Variants in FBXL5 observed in about 807,000 individuals in gnomAD.
FBXL5 encodes F-box and leucine rich repeat protein 5.
FBXL5 carries 26 observed loss-of-function variants against 78.3 expected under a neutral mutation model. The ratio of observed to expected loss-of-function variants is 0.33; its 90% CI spans 0.24 to 0.46. FBXL5 has a LOEUF of 0.46. Ranked by LOEUF, FBXL5 falls within the 20% of genes least tolerant of loss-of-function variation. The probability of loss-of-function intolerance (pLI) is 1.00; values close to 1 mark genes in which losing one functional copy is unlikely to be tolerated. For missense variants in FBXL5, 710 were observed against 829.2 expected (o/e 0.86, Z 1.77); for synonymous variants, 295 against 282.5 (o/e 1.04, Z -0.45).
intron 9 of FBXL5, among the ~76,000 whole-genome samples, chr4:15,619,819 C>A (rs1006727110): frequency 2.6e-5 from 4 of 152,116 alleles, no homozygotes; most frequent in South Asian, 2.1e-4. Flanking sequence ...CAGTTCCCCC[C>A]ACCCTCCCAA....
intron 2 of FBXL5, among the ~76,000 whole-genome samples, chr4:15,642,240 A>G (rs1461039707): frequency 6.9e-6 from 1 of 144,176 alleles, no homozygotes; most frequent in Non-Finnish European, 1.5e-5. Flanking sequence ...AAAATAATGA[A>G]AACTTTTTTT....
At chr4:15,614,333 G>A (rs974038463) in intron 9 of FBXL5, among the ~76,000 whole-genome samples, 32 of 152,216 alleles carry the variant, frequency 2.1e-4, no homozygotes, top group African/African-American at 7.0e-4. Flanking sequence ...TGCTCCAGTG[G>A]AGATAGGAGG....
chr4:15,660,376 C>G (rs1021613716), upstream of FBXL5, among the ~76,000 whole-genome samples: 4 of 152,096 alleles, frequency 2.6e-5, no homozygotes, highest in African/African-American at 9.7e-5. Flanking sequence ...GCCGCCGCAC[C>G]CAGCCCCGAC....
upstream of FBXL5, among the ~76,000 whole-genome samples, chr4:15,658,514 G>A (rs1324959049): frequency 6.6e-6 from 1 of 152,146 alleles, no homozygotes; most frequent in Non-Finnish European, 1.5e-5. Context: ...GGTTATCATA[G>A]GAGTGGGACT....
At chr4:15,666,450 AAAAT>A (rs1382821086) in intron 1 of FBXL5, among the ~76,000 whole-genome samples, 1 of 152,110 alleles carries the variant, frequency 6.6e-6, no homozygotes, top group East Asian at 1.9e-4. Flanking sequence ...TGTGGAATCT[AAAAT>A]AAAGTTAAAC....
chr4:15,655,173 G>T (rs1229873154), intron 1 of FBXL5, 31 bp downstream of exon 1: 16 of 1,362,848 alleles, frequency 1.2e-5, no homozygotes, highest in Non-Finnish European at 1.5e-5. Flanking sequence ...CGCCCGCACC[G>T]CCCACAGCGG....
intron 10 of FBXL5, among the ~76,000 whole-genome samples, chr4:15,606,575 CTGAA>C (rs372399749): frequency 4.2e-4 from 64 of 152,210 alleles, no homozygotes; most frequent in African/African-American, 1.5e-3. Flanking sequence ...GTCAAGTACT[CTGAA>C]TGAATGATAT....
intron 5 of FBXL5, among the ~76,000 whole-genome samples, chr4:15,631,109 A>G (rs10015827): frequency 0.35 from 53,126 of 151,188 alleles, 9,705 homozygotes; most frequent in African/African-American, 0.37. Context: ...GACGTTCCCC[A>G]CCCTGTGTCC....
chr4:15,655,802 C>T (rs1272074092), upstream of FBXL5, among the ~76,000 whole-genome samples: 2 of 152,200 alleles, frequency 1.3e-5, no homozygotes, highest in Non-Finnish European at 2.9e-5. Context: ...CGGAGCTGCC[C>T]TTCGCCTCCC....
At chr4:15,632,242 C>A (rs376359411) in intron 5 of FBXL5, among the ~76,000 whole-genome samples, 1 of 152,148 alleles carries the variant, frequency 6.6e-6, no homozygotes, top group East Asian at 1.9e-4. Flanking sequence ...GGTGTCATTT[C>A]TGAGGCCTCT....
chr4:15,627,017 T>C, intron 7 of FBXL5, 62 bp from the exon 8 acceptor site: 2 of 1,002,966 alleles, frequency 2.0e-6, no homozygotes, highest in South Asian at 1.5e-5. Context: ...AAGTAACAGA[T>C]GACTATTAGT....
At chr4:15,677,748 T>TC (rs1718048109) in intron 1 of FBXL5, among the ~76,000 whole-genome samples, 1 of 151,932 alleles carries the variant, frequency 6.6e-6, no homozygotes, top group African/African-American at 2.4e-5. Context: ...TACACAAAAA[T>TC]TGTAGTAGTA....
chr4:15,673,724 C>G (rs1717856454), intron 1 of FBXL5, among the ~76,000 whole-genome samples: 1 of 152,212 alleles, frequency 6.6e-6, no homozygotes, highest in Non-Finnish European at 1.5e-5. Context: ...GAGATTCATT[C>G]CAGATCACTA....
At chr4:15,677,748 T>C (rs7434484) in intron 1 of FBXL5, among the ~76,000 whole-genome samples, 53,465 of 152,004 alleles carry the variant, frequency 0.35, 9,803 homozygotes, top group African/African-American at 0.37. Flanking sequence ...TACACAAAAA[T>C]TGTAGTAGTA....
intron 9 of FBXL5, among the ~76,000 whole-genome samples, chr4:15,613,847 T>G (rs115224569): frequency 0.8 from 114,783 of 143,108 alleles, 43,656 homozygotes; most frequent in East Asian, 0.92. Flanking sequence ...TAACTTTTGT[T>G]TTTTTTTTTA....
At chr4:15,614,909 T>C (rs1471433249) in intron 9 of FBXL5, among the ~76,000 whole-genome samples, 1 of 152,064 alleles carries the variant, frequency 6.6e-6, no homozygotes, top group Non-Finnish European at 1.5e-5. Context: ...CAGGGAGGTG[T>C]AGAGGGACAG....
At chr4:15,646,368 A>AT (rs35373918) in intron 1 of FBXL5, among the ~76,000 whole-genome samples, 91,358 of 149,746 alleles carry the variant, frequency 0.61, 28,110 homozygotes, top group Non-Finnish European at 0.65. Flanking sequence ...CATATTATAG[A>AT]TTTTTTTTTA....
intron 9 of FBXL5, among the ~76,000 whole-genome samples, chr4:15,614,614 C>T (rs1318250485): frequency 1.3e-5 from 2 of 152,132 alleles, no homozygotes; most frequent in Non-Finnish European, 2.9e-5. Flanking sequence ...TGTCTGAGCT[C>T]AGACTGTCCT....
chr4:15,657,370 A>G (rs1717045225), upstream of FBXL5, among the ~76,000 whole-genome samples: 1 of 152,206 alleles, frequency 6.6e-6, no homozygotes, highest in African/African-American at 2.4e-5. Context: ...AGTTCATAGC[A>G]CTGTGTAATT....
Sources: allele counts gnomAD v4.1 joint callset (sites outside exome capture counted in the v4.1 genomes callset), GRCh38; gene constraint gnomAD v4.1.1; transcripts MANE v1.5; gene names NCBI Gene and HGNC (gene_info 2026-07-23, HGNC 2026-07-21).